The following SFXN2 variants were observed in gnomAD, a reference collection of about 807,000 sequenced individuals.
The protein encoded by SFXN2 is sideroflexin 2.
A neutral mutation model predicts 41.9 loss-of-function variants in SFXN2; 37 were observed. That is an observed-to-expected ratio of 0.88 (90% confidence interval 0.68 to 1.16). SFXN2 has a LOEUF of 1.16. Ranked by LOEUF, SFXN2 falls within the 50% of genes most tolerant of loss-of-function variation. The pLI is 0.00. For missense variants in SFXN2, 386 were observed against 425.2 expected, an observed-to-expected ratio of 0.91 and a Z score of 0.81; for synonymous variants, 150 against 156.7, an observed-to-expected ratio of 0.96 and a Z score of 0.32.
chr10:102,726,951 G>A lies in SFXN2; in HGVS notation c.162-36G>A, dbSNP rs777703308. The A allele has an allele frequency of 3.3e-5, 53 of 1,586,874 alleles. No individual in the cohort carries two copies. The South Asian group carries it at 5.7e-4, about 17-fold the overall frequency. On this transcript the variant is annotated intron_variant, in intron 2 of 11. Transcript: ENST00000369893. ...GGGGAGACTGGGAGACATTGATCAG[G>A]CAGGATGGTGACTGCCTGCTGTCCT...
At chr10:102,732,726 C>A in intron 8 of SFXN2, 133 bp from the exon 9 acceptor site, 2 of 855,222 alleles carry the variant, frequency 2.3e-6, no homozygotes, top group Non-Finnish European at 3.9e-6. Flanking sequence ...CTCTTCTGTT[C>A]TGCCTAGTGG....
chr10:102,715,235 G>A (rs2064390495), intron 1 of SFXN2: 1 of 153,086 alleles, frequency 6.5e-6, no homozygotes, highest in Non-Finnish European at 1.5e-5. Flanking sequence ...ACGGAGTTTC[G>A]CCATGTTGCC....
Position 102,740,349 on chromosome 10 carries a change from T to G in SFXN2, c.*2587T>G, listed in dbSNP as rs1051941199. The G allele has an allele frequency of 2.0e-5, 3 of 152,184 alleles. No homozygotes were observed. The highest frequency in any genetic ancestry group is 7.2e-5 in the African/African-American group (3 of 41,430). The allele number at this position is 152,184 out of a possible 1,614,324, so 9.4% of individuals were successfully genotyped here. On this transcript the variant is annotated 3_prime_UTR_variant, in exon 12 of 12. Coordinates refer to ENST00000369893, the MANE Select transcript of SFXN2 (RefSeq NM_178858.6). The stretch of plus-strand genomic sequence containing the variant: ...GCAGCCTCAACCTCCTGAGCTCAAG[T>G]AATCCTCCTGCCTCAGCCTCTGGGG...
Position 102,726,978 on chromosome 10 carries a change from G to T in SFXN2, c.162-9G>T, listed in dbSNP as rs376546409. 42 of 1,593,114 alleles carry T rather than the reference G, an allele frequency of 2.6e-5. No homozygotes were observed. In the African/African-American group the frequency reaches 4.3e-4, roughly 16 times the overall value. On this transcript the variant is annotated splice_polypyrimidine_tract_variant and intron_variant, in intron 2 of 11. Coordinates refer to ENST00000369893, the MANE Select transcript of SFXN2 (RefSeq NM_178858.6). Reference sequence around the variant, plus strand: ...AGGATGGTGACTGCCTGCTGTCCTTGGGTGGCAGGATGGGGGTTGTGCCCC... The same window carrying T: ...AGGATGGTGACTGCCTGCTGTCCTTTGGTGGCAGGATGGGGGTTGTGCCCC...
intron 9 of SFXN2, 44 bp from the exon 10 acceptor site, chr10:102,733,510 A>C (rs779739451): frequency 1.3e-6 from 2 of 1,546,868 alleles, no homozygotes; most frequent in Non-Finnish European, 1.8e-6. Flanking sequence ...ACCTTAAGGC[A>C]TAGAAGTACC....
intron 1 of SFXN2, among the ~76,000 whole-genome samples, chr10:102,715,930 C>CAA (rs11464783): frequency 2.2e-3 from 211 of 94,888 alleles, no homozygotes; most frequent in South Asian, 9.8e-3. Context: ...GACCCTGCCT[C>CAA]AAAAAAAAAA....
intron 1 of SFXN2, among the ~76,000 whole-genome samples, chr10:102,721,721 G>A (rs2064512415): frequency 6.6e-6 from 1 of 151,486 alleles, no homozygotes; most frequent in South Asian, 2.1e-4. Flanking sequence ...CAGGTGCAGT[G>A]GCACACACCT....
intron 10 of SFXN2, among the ~76,000 whole-genome samples, 180 bp downstream of exon 10, chr10:102,733,783 C>T (rs2064736492): frequency 6.6e-6 from 1 of 152,222 alleles, no homozygotes; most frequent in African/African-American, 2.4e-5. Context: ...GGGCATCAGG[C>T]TGGCTAGACT....
chr10:102,732,707 G>A, intron 8 of SFXN2, 152 bp from the exon 9 acceptor site: 1 of 719,694 alleles, frequency 1.4e-6, no homozygotes, highest in Non-Finnish European at 2.4e-6. Context: ...GGGTGGTCAT[G>A]CCTACTTGCT....
rs759767063 is a variant in SFXN2, at chr10:102,729,823, C to A, written c.593+15C>A. 3.7e-6 allele frequency: 6 copies of A among 1,613,254 alleles called. No homozygotes were observed. Among genetic ancestry groups the A allele is most frequent in the Non-Finnish European group, 5.1e-6 (6 of 1,179,750 alleles). Reference sequence around the variant, plus strand: ...ATGCGACAGCAGTGAGTAAAGGCCCCTTTTTCTCCCTACAAACCACAAGAT... The same window carrying A: ...ATGCGACAGCAGTGAGTAAAGGCCCATTTTTCTCCCTACAAACCACAAGAT... On this transcript the variant is annotated intron_variant, in intron 6 of 11. Coordinates refer to ENST00000369893, the MANE Select transcript of SFXN2 (RefSeq NM_178858.6).
intron 1 of SFXN2, among the ~76,000 whole-genome samples, chr10:102,722,351 A>G (rs912246661): frequency 4.3e-4 from 66 of 152,208 alleles, no homozygotes; most frequent in African/African-American, 1.5e-3. Flanking sequence ...GTGTGCAAGT[A>G]CCTTAGAATG....
In SFXN2 at chr10:102,735,892, G is replaced by C; in HGVS notation, c.852G>C (p.Gly284=). ...FLIFMVPVAC[G]LFPQKCELPV... ...TCTTCATGGTGCCAGTGGCGTGTGG[G>C]CTTTTCCCACAGAAATGGTATCTGC... The change falls in exon 11 of 12, where the codon GGG becomes GGC. Residue 284 remains glycine, a synonymous_variant. Coordinates refer to ENST00000369893, the MANE Select transcript of SFXN2 (RefSeq NM_178858.6). The C allele has an allele frequency of 6.2e-7, 1 of 1,614,130 alleles. No individual in the cohort carries two copies. The highest frequency in any genetic ancestry group is 8.5e-7 in the Non-Finnish European group (1 of 1,180,014).
intron 1 of SFXN2, among the ~76,000 whole-genome samples, chr10:102,722,080 A>C (rs769742614): frequency 6.6e-6 from 1 of 152,056 alleles, no homozygotes; most frequent in Non-Finnish European, 1.5e-5. Context: ...GTTTATTCTC[A>C]TGACTACCCA....
At position 102,742,923 on chromosome 10, in the gene SFXN2, A is replaced by G. The variant is rs1457087409; in HGVS notation, c.*5161A>G. On this transcript the variant is annotated 3_prime_UTR_variant, in exon 12 of 12. Transcript: ENST00000369893. ...CAAGAATCCAGAAGAAGCAGCAAGG[A>G]GATGGGGCTAGGAGTTTGTAAGCAG... 1 of 152,264 alleles carries G rather than the reference A, an allele frequency of 6.6e-6. No homozygotes were observed. Among genetic ancestry groups the G allele is most frequent in the East Asian group, 1.9e-4 (1 of 5,206 alleles). 9.4% of individuals were successfully genotyped at this position (152,264 alleles called of 1,614,324 possible). A position where few individuals can be genotyped will look rare whatever the true frequency, so the allele number is the denominator to read the frequency against.
rs927949437 is a variant in SFXN2, at chr10:102,741,421, A to G, written c.*3659A>G. On this transcript the variant is annotated 3_prime_UTR_variant, in exon 12 of 12. Transcript: ENST00000369893. ...TGAGTTCGGCTAGAATAGCATGGGTAAAAGGTTCCATTGCTCGGGAGAGGA... is the reference window on the plus strand; with the variant it reads ...TGAGTTCGGCTAGAATAGCATGGGTGAAAGGTTCCATTGCTCGGGAGAGGA... 6.6e-6 allele frequency: 1 copy of G among 152,230 alleles called. No individual in the cohort carries two copies. The highest frequency in any genetic ancestry group is 2.4e-5 in the African/African-American group (1 of 41,436). The allele number at this position is 152,230 out of a possible 1,614,324, so 9.4% of individuals were successfully genotyped here. A position where few individuals can be genotyped will look rare whatever the true frequency, so the allele number is the denominator to read the frequency against.
chr10:102,715,315 G>A (rs2064392687), intron 1 of SFXN2: 1 of 153,234 alleles, frequency 6.5e-6, no homozygotes. Context: ...TGAGACTACA[G>A]GTGTTCCAAA....
At chr10:102,730,377 T>C (rs944891132) in intron 6 of SFXN2, among the ~76,000 whole-genome samples, 6 of 152,222 alleles carry the variant, frequency 3.9e-5, no homozygotes, top group Non-Finnish European at 2.9e-5. Flanking sequence ...GCACTCAAAA[T>C]AGCACCTGGA....
Position 102,732,719 on chromosome 10 carries a change from T to G in SFXN2, c.722-140T>G, listed in dbSNP as rs2064721798. ...TGGGGGTGGTCATGCCTACTTGCTC[T>G]TCTGTTCTGCCTAGTGGTAAGTATT... On this transcript the variant is annotated intron_variant, in intron 8 of 11. Transcript: ENST00000369893. 3.7e-6 allele frequency: 3 copies of G among 807,574 alleles called. No homozygotes were observed. The South Asian group carries it at 4.6e-5, about 12-fold the overall frequency. The allele number at this position is 807,574 out of a possible 1,614,324, so 50.0% of individuals were successfully genotyped here. A position where few individuals can be genotyped will look rare whatever the true frequency, so the allele number is the denominator to read the frequency against.
At position 102,714,678 on chromosome 10, in the gene SFXN2, C is replaced by A; in HGVS notation, c.-29C>A. 4.4e-6 allele frequency: 1 copy of A among 228,974 alleles called. No homozygotes were observed. The highest frequency in any genetic ancestry group is 8.5e-5 in the East Asian group (1 of 11,702). The allele number at this position is 228,974 out of a possible 1,614,324, so 14.2% of individuals were successfully genotyped here. On this transcript the variant is annotated 5_prime_UTR_variant, in exon 1 of 12. Coordinates refer to ENST00000369893, the MANE Select transcript of SFXN2 (RefSeq NM_178858.6). ...GTAACTGGTGGCATTTGTCCCGGGA[C>A]CAGGTAAGGGGCCTTGGGACAATGG...
Sources: gnomAD v4.1 joint callset for allele counts (sites outside exome capture counted in the v4.1 genomes callset) on GRCh38, gnomAD v4.1.1 for gene constraint, MANE v1.5 for transcripts, NCBI Gene and HGNC (gene_info 2026-07-23, HGNC 2026-07-21) for gene names.